Variants in ZNRF3 observed in about 807,000 individuals in gnomAD.
The protein encoded by ZNRF3 is E3 ubiquitin-protein ligase ZNRF3.
A neutral mutation model predicts 72.5 loss-of-function variants in ZNRF3; 23 were observed. The ratio of observed to expected loss-of-function variants is 0.32; its 90% CI spans 0.23 to 0.45. The LOEUF is 0.45. ZNRF3 is among the 20% of genes least tolerant of loss of function. The probability of loss-of-function intolerance (pLI) is 1.00; values close to 1 mark genes in which losing one functional copy is unlikely to be tolerated. For synonymous variants in ZNRF3, 610 were observed against 545.3 expected (o/e 1.12, Z -1.65); for missense variants, 1,169 against 1,272.1 (o/e 0.92, Z 1.23).
chr22:28,997,993 A>G (rs1391786463), intron 2 of ZNRF3, among the ~76,000 whole-genome samples: 1 of 149,606 alleles, frequency 6.7e-6, no homozygotes, highest in African/African-American at 2.4e-5. Context: ...CTCTTTAAAA[A>G]AAAAAAAAAA....
intron 1 of ZNRF3, among the ~76,000 whole-genome samples, chr22:28,966,867 CTTT>C (rs530036984): frequency 9.8e-6 from 1 of 102,432 alleles, no homozygotes. Flanking sequence ...TTTTAAAAAT[CTTT>C]TTTTTTTTTT....
At chr22:28,898,683 C>T (rs979004549) in intron 1 of ZNRF3, among the ~76,000 whole-genome samples, 1 of 152,228 alleles carries the variant, frequency 6.6e-6, no homozygotes, top group African/African-American at 2.4e-5. Context: ...TTGCTTCCCC[C>T]TATATTTTTT....
chr22:28,967,045 A>C (rs1282791205), intron 1 of ZNRF3, among the ~76,000 whole-genome samples: 1 of 151,680 alleles, frequency 6.6e-6, no homozygotes, highest in African/African-American at 2.4e-5. Context: ...ACGCCCATCT[A>C]ATTTTTTCGT....
At chr22:28,943,519 G>A (rs2034988563) in intron 1 of ZNRF3, among the ~76,000 whole-genome samples, 1 of 152,206 alleles carries the variant, frequency 6.6e-6, no homozygotes, top group Non-Finnish European at 1.5e-5. Context: ...GAGGGTGCAT[G>A]TGTGTTTATG....
chr22:29,037,493 G>A (rs531560300), intron 2 of ZNRF3, among the ~76,000 whole-genome samples: 2 of 152,294 alleles, frequency 1.3e-5, no homozygotes, highest in East Asian at 3.9e-4. Context: ...AGTAACCCGA[G>A]TATGGTACCA....
intron 2 of ZNRF3, among the ~76,000 whole-genome samples, chr22:29,020,630 C>T (rs2036516598): frequency 6.6e-6 from 1 of 151,972 alleles, no homozygotes. Flanking sequence ...GTGAAACCCA[C>T]TGATAAGGAG....
chr22:28,954,677 G>A (rs939165456), intron 1 of ZNRF3, among the ~76,000 whole-genome samples: 1 of 152,018 alleles, frequency 6.6e-6, no homozygotes, highest in African/African-American at 2.4e-5. Context: ...TGACCAGGCT[G>A]GAGTGCAGTC....
At chr22:28,922,608 C>G (rs1269131191) in intron 1 of ZNRF3, among the ~76,000 whole-genome samples, 2 of 152,142 alleles carry the variant, frequency 1.3e-5, no homozygotes, top group African/African-American at 4.8e-5. Flanking sequence ...TTAGGTTTGA[C>G]CTCCCAAAGG....
At position 29,020,771 on chromosome 22, in the gene ZNRF3, G is replaced by T. The variant is rs1355111449; in HGVS notation, c.427-21724G>T. On this transcript the variant is annotated intron_variant, in intron 2 of 8. Coordinates refer to ENST00000544604, the MANE Select transcript of ZNRF3 (RefSeq NM_001206998.2). ...TGAGAGGGGCTTTGTTTTTGTGTGT[G>T]TGTGGGTGTGTGTGTGTGTGTGTGT... 3.4e-3 allele frequency among the ~76,000 whole-genome samples: 231 copies of T among 67,044 alleles called. 2 individuals carry two copies. In the South Asian group the frequency reaches 0.058, roughly 17 times the overall value. 44.0% of individuals were successfully genotyped at this position (67,044 alleles called of 152,430 possible).
intron 2 of ZNRF3, among the ~76,000 whole-genome samples, chr22:29,022,491 G>T (rs145639081): frequency 1.6e-3 from 249 of 152,252 alleles, no homozygotes; most frequent in African/African-American, 5.4e-3. Context: ...GTGTAGCATG[G>T]TCTCATGATA....
chr22:28,925,257 A>T (rs992835426), intron 1 of ZNRF3, among the ~76,000 whole-genome samples: 1 of 152,154 alleles, frequency 6.6e-6, no homozygotes, highest in East Asian at 1.9e-4. Context: ...ACTCAACTTA[A>T]GTCATAGTGA....
chr22:29,051,002 T>G, intron 8 of ZNRF3, 54 bp downstream of exon 8: 1 of 1,486,990 alleles, frequency 6.7e-7, no homozygotes, highest in South Asian at 1.3e-5. Context: ...CAGGGTCGTC[T>G]TGTCTTCTGT....
rs1293590906 is a variant in ZNRF3, at chr22:28,929,211, A to G, written c.300+45145A>G. Among the ~76,000 whole-genome samples the G allele has an allele frequency of 6.6e-5, 10 of 151,682 alleles. No homozygotes were observed. The East Asian group carries it at 7.7e-4, about 12-fold the overall frequency. ...TGTTTGAAACAAGAGGGAAGAAATCAACTATTGCTTTTGTTTGTTCAAAAG... is the reference window on the plus strand; with the variant it reads ...TGTTTGAAACAAGAGGGAAGAAATCGACTATTGCTTTTGTTTGTTCAAAAG... On this transcript the variant is annotated intron_variant, in intron 1 of 8. Transcript: ENST00000544604.
rs1371145536 is a variant in ZNRF3, at chr22:28,913,922, G to A, written c.300+29856G>A. 2.6e-5 allele frequency among the ~76,000 whole-genome samples: 4 copies of A among 152,056 alleles called. No homozygotes were observed. In the South Asian group the frequency reaches 6.2e-4, roughly 24 times the overall value. ...GCAGATAAGATAGAGGAGTCCCCCC[G>A]ACCCCTGCAGCCCTAAATGCCTCTT... On this transcript the variant is annotated intron_variant, in intron 1 of 8. Coordinates refer to ENST00000544604, the MANE Select transcript of ZNRF3 (RefSeq NM_001206998.2).
intron 2 of ZNRF3, among the ~76,000 whole-genome samples, chr22:29,021,366 C>G (rs1022927605): frequency 3.9e-5 from 6 of 152,094 alleles, no homozygotes; most frequent in African/African-American, 1.4e-4. Context: ...CCTATATTAA[C>G]TAAAATTAAA....
At chr22:28,941,064 T>G (rs2123787345) in intron 1 of ZNRF3, among the ~76,000 whole-genome samples, 1 of 152,320 alleles carries the variant, frequency 6.6e-6, no homozygotes, top group African/African-American at 2.4e-5. Context: ...AATAAGTACC[T>G]ATGTCTCTCC....
At chr22:28,963,984 T>C (rs2035412597) in intron 1 of ZNRF3, among the ~76,000 whole-genome samples, 3 of 152,158 alleles carry the variant, frequency 2.0e-5, no homozygotes, top group Admixed American at 2.0e-4. Flanking sequence ...CTTTTTGCAC[T>C]TCTGTGTTTT....
At chr22:28,898,926 GTTT>G (rs34713478) in intron 1 of ZNRF3, among the ~76,000 whole-genome samples, 2,943 of 114,052 alleles carry the variant, frequency 0.026, 84 homozygotes, top group African/African-American at 0.06. Flanking sequence ...ACATGCTGAG[GTTT>G]TTTTTTTTTT....
At chr22:29,035,464 A>G (rs2036850157) in intron 2 of ZNRF3, among the ~76,000 whole-genome samples, 1 of 152,258 alleles carries the variant, frequency 6.6e-6, no homozygotes, top group Non-Finnish European at 1.5e-5. Context: ...GGTAAGAAGA[A>G]TGAATATTTT....
Sources: gnomAD v4.1 joint callset for allele counts (sites outside exome capture counted in the v4.1 genomes callset) on GRCh38, gnomAD v4.1.1 for gene constraint, MANE v1.5 for transcripts, NCBI Gene and HGNC (gene_info 2026-07-23, HGNC 2026-07-21) for gene names.